UBR4: variants seen among roughly 807,000 people sequenced by gnomAD.
UBR4 encodes the protein E3 ubiquitin-protein ligase UBR4.
A neutral mutation model predicts 575.6 loss-of-function variants in UBR4; 124 were observed. The observed-to-expected ratio is 0.22, with a 90% confidence interval of 0.19 to 0.25. The LOEUF (loss-of-function observed/expected upper bound fraction) is 0.25, where lower values mean the gene tolerates loss of function less well. UBR4 is among the 10% of genes least tolerant of loss of function. UBR4 has a pLI of 1.00. For synonymous variants in UBR4, 2,455 were observed against 2,473.7 expected (o/e 0.99, Z 0.22); for missense variants, 4,818 against 6,478.8 (o/e 0.74, Z 8.80).
At chr1:19,156,198 C>A in intron 42 of UBR4, 73 bp downstream of exon 42, 2 of 1,573,018 alleles carry the variant, frequency 1.3e-6, no homozygotes, top group Admixed American at 3.6e-5. Flanking sequence ...CTGGGAGAAG[C>A]TAGCACATAG....
intron 51 of UBR4, 105 bp from the exon 52 acceptor site, chr1:19,147,105 CAA>C: frequency 1.5e-6 from 2 of 1,308,798 alleles, no homozygotes; most frequent in Non-Finnish European, 2.1e-6. Context: ...TACCTCCTCT[CAA>C]GAGAACAGGC....
chr1:19,092,790 C>A, intron 97 of UBR4, 29 bp downstream of exon 97: 1 of 1,578,714 alleles, frequency 6.3e-7, no homozygotes, highest in Non-Finnish European at 8.7e-7. Flanking sequence ...TACCCCTGTA[C>A]CCTCACACTA....
Position 19,159,954 on chromosome 1 carries a change from T to C in UBR4, c.5577+157A>G, listed in dbSNP as rs540672948. On this transcript the variant is annotated intron_variant, in intron 39 of 105. Coordinates refer to ENST00000375254, the MANE Select transcript of UBR4 (RefSeq NM_020765.3). ...GCTGATTTTCACACTGTTCATAATATGTTCTGGGCATGTCATGATGTCTTA... is the reference window on the plus strand; with the variant it reads ...GCTGATTTTCACACTGTTCATAATACGTTCTGGGCATGTCATGATGTCTTA... 3.3e-5 allele frequency among the ~76,000 whole-genome samples: 5 copies of C among 152,022 alleles called. No individual in the cohort carries two copies. In the South Asian group the frequency reaches 1.0e-3, roughly 32 times the overall value.
intron 48 of UBR4, chr1:19,151,083 C>T (rs2085628272): frequency 4.3e-6 from 2 of 469,274 alleles, no homozygotes; most frequent in Non-Finnish European, 7.7e-6. Context: ...CTACCCCTCA[C>T]TCCCAGGGGT....
At position 19,139,293 on chromosome 1, in the gene UBR4, C is replaced by A. The variant is rs78300712; in HGVS notation, c.8594-73G>T. On this transcript the variant is annotated intron_variant, in intron 58 of 105. Transcript: ENST00000375254. The surrounding 1 kb of genome is among the most constrained non-coding windows in gnomAD (Gnocchi z 4.2). ...ACAAACAAACAAAAAACAAAAAAAA[C>A]CCCTCCTTGGGATGAAAGCATCAAA... The A allele has an allele frequency of 5.8e-3, 8,797 of 1,508,648 alleles. 213 individuals are homozygous for A. The East Asian group carries it at 0.071, about 12-fold the overall frequency. The allele number at this position is 1,508,648 out of a possible 1,614,324, so 93.5% of individuals were successfully genotyped here. A position where few individuals can be genotyped will look rare whatever the true frequency, so the allele number is the denominator to read the frequency against.
chr1:19,187,265 T>C lies in UBR4; in HGVS notation c.1531A>G (p.Ile511Val). ...TGTATGGAGGTGCTCTGGGCCATAA[T>C]GCTCAAGGCTGCAGGGGGGCCATCT... ...ETDGPPAALS[I>V]MAQSTSIQRI... The change falls in exon 13 of 106, where the codon ATT becomes GTT. Residue 511 changes from isoleucine (I) to valine (V), a missense_variant. This residue lies in a region of UBR4 where 162 missense variants were observed against 216.4 expected (regional missense o/e 0.75). Coordinates refer to ENST00000375254, the MANE Select transcript of UBR4 (RefSeq NM_020765.3). 1 of 1,613,930 alleles carries C rather than the reference T, an allele frequency of 6.2e-7. No homozygotes were observed. The highest frequency in any genetic ancestry group is 8.5e-7 in the Non-Finnish European group (1 of 1,179,896).
intron 53 of UBR4, 89 bp downstream of exon 53, chr1:19,145,704 G>GGCTTAGCT: frequency 6.9e-7 from 1 of 1,451,900 alleles, no homozygotes; most frequent in Non-Finnish European, 9.3e-7. Flanking sequence ...TATGAAGAAT[G>GGCTTAGCT]AAAGCTAATG....
rs538231909 is a variant in UBR4 at position 19,091,929 on chromosome 1, G to C, written c.14211+890C>G. On this transcript the variant is annotated intron_variant, in intron 97 of 105. Transcript: ENST00000375254. ...CAACAATCCAGGTGTCCTTTAATGG[G>C]TGAACAGTTAAACAAACCTGGATGA... is the stretch of plus-strand genomic sequence containing the variant. Among the ~76,000 whole-genome samples the C allele has an allele frequency of 2.0e-4, 31 of 152,064 alleles. 1 individual carries two copies. In the South Asian group the frequency reaches 6.4e-3, roughly 32 times the overall value.
intron 55 of UBR4, among the ~76,000 whole-genome samples, chr1:19,143,724 A>G (rs2150073478): frequency 6.6e-6 from 1 of 152,220 alleles, no homozygotes; most frequent in South Asian, 2.1e-4. Context: ...TGTGATGTGA[A>G]TTTTCTGTAT....
chr1:19,165,022 G>A (rs770862171), intron 31 of UBR4, 25 bp from the exon 32 acceptor site: 4 of 1,612,868 alleles, frequency 2.5e-6, no homozygotes, highest in Non-Finnish European at 3.4e-6. Context: ...AGAGGCCAGG[G>A]TCAGTAAAGA....
intron 81 of UBR4, 29 bp from the exon 82 acceptor site, chr1:19,106,995 G>C (rs772496825): frequency 1.9e-6 from 3 of 1,609,438 alleles, no homozygotes; most frequent in Non-Finnish European, 2.5e-6. Context: ...GCAAGGTGAG[G>C]GCGCTCAAGG....
At chr1:19,091,351 C>A (rs2077496279) in intron 97 of UBR4, among the ~76,000 whole-genome samples, 1 of 152,222 alleles carries the variant, frequency 6.6e-6, no homozygotes, top group Non-Finnish European at 1.5e-5. Context: ...AGTGAAGAAT[C>A]TTTACTGTAC....
At chr1:19,090,408 C>A (rs2077393078) in intron 97 of UBR4, among the ~76,000 whole-genome samples, 1 of 152,198 alleles carries the variant, frequency 6.6e-6, no homozygotes. Context: ...GGAGAAAGAA[C>A]ATGCCTTTCC....
At chr1:19,122,646 T>C (rs2081297465) in intron 66 of UBR4, among the ~76,000 whole-genome samples, 187 bp downstream of exon 66, 4 of 152,220 alleles carry the variant, frequency 2.6e-5, no homozygotes, top group Admixed American at 2.6e-4. Flanking sequence ...ACATCCCAGA[T>C]CCTGAAGCCA....
Position 19,096,593 on chromosome 1 carries a change from CCACACTGGGCCAT to C in UBR4, c.13435_13447del (p.Met4479GlyfsTer23). On this transcript the variant is annotated frameshift_variant, in exon 92 of 106. Transcript: ENST00000375254. LOFTEE classifies it high-confidence loss of function. Reference sequence around the variant, plus strand: ...TCTGTTAAGCATGCATTCCAGGCCCCCACACTGGGCCATCACACCAGCCATTTTATACACTTCT... The same window carrying C: ...TCTGTTAAGCATGCATTCCAGGCCCCCACACCAGCCATTTTATACACTTCT... The C allele has an allele frequency of 6.2e-7, 1 of 1,613,798 alleles. No homozygotes were observed. The highest frequency in any genetic ancestry group is 8.5e-7 in the Non-Finnish European group (1 of 1,179,922).
chr1:19,093,812 A>T lies in UBR4; in HGVS notation c.13937+137T>A. On this transcript the variant is annotated intron_variant, in intron 95 of 105. Coordinates refer to ENST00000375254, the MANE Select transcript of UBR4 (RefSeq NM_020765.3). The surrounding 1 kb of genome is among the most constrained non-coding windows in gnomAD (Gnocchi z 4.8). ...TATTTTAACTATTCACTTCCCAACTAGACTGAGCTCCTTAAAAGCCAGAAC... is the reference window on the plus strand; with the variant it reads ...TATTTTAACTATTCACTTCCCAACTTGACTGAGCTCCTTAAAAGCCAGAAC... The T allele has an allele frequency of 9.8e-7, 1 of 1,023,208 alleles. No homozygotes were observed. Among genetic ancestry groups the T allele is most frequent in the Non-Finnish European group, 1.4e-6 (1 of 713,012 alleles). 63.4% of individuals were successfully genotyped at this position (1,023,208 alleles called of 1,614,324 possible). A position where few individuals can be genotyped will look rare whatever the true frequency, so the allele number is the denominator to read the frequency against.
Position 19,157,656 on chromosome 1 carries a change from G to C in UBR4, c.5760+159C>G, listed in dbSNP as rs1342334653. Among the ~76,000 whole-genome samples the C allele has an allele frequency of 6.6e-6, 1 of 152,238 alleles. No individual in the cohort carries two copies. The highest frequency in any genetic ancestry group is 1.9e-4 in the East Asian group (1 of 5,200). ...CTAATCAAATCAATTCAGGGTTCAA[G>C]TATTTGAAAAGCTCAACAAGATCTG... On this transcript the variant is annotated intron_variant, in intron 40 of 105. Transcript: ENST00000375254. The surrounding 1 kb of genome is among the most constrained non-coding windows in gnomAD (Gnocchi z 4.4).
At chr1:19,077,223 TCATTCC>T (rs1188327495) in intron 104 of UBR4, among the ~76,000 whole-genome samples, 1 of 152,192 alleles carries the variant, frequency 6.6e-6, no homozygotes, top group East Asian at 1.9e-4. Context: ...ATGAGCTGTC[TCATTCC>T]GATGATGAAA....
rs2076830630 is a variant in UBR4 at position 19,084,606 on chromosome 1, G to A, written c.14906C>T (p.Ala4969Val). ...HDIKLLFLRF[A>V]MEQSFSADTG... is the part of the protein sequence containing the mutation. The stretch of plus-strand genomic sequence containing the variant: ...GTCTGCGCTGAACGACTGCTCCATG[G>A]CGAAGCGCAGGAAGAGCAGTTTGAT... The change falls in exon 102 of 106, where the codon GCC (alanine) becomes GTC (valine). Residue 4969 changes from alanine (A) to valine (V), a missense_variant. By Grantham distance (64) the Ala-to-Val change is moderately conservative. This residue lies in a region of UBR4 where 196 missense variants were observed against 386.8 expected (regional missense o/e 0.51). Coordinates refer to ENST00000375254, the MANE Select transcript of UBR4 (RefSeq NM_020765.3). The A allele has an allele frequency of 6.2e-7, 1 of 1,614,058 alleles. No individual in the cohort carries two copies. Among genetic ancestry groups the A allele is most frequent in the South Asian group, 1.1e-5 (1 of 91,084 alleles).
Sources: gnomAD v4.1 joint callset for allele counts (sites outside exome capture counted in the v4.1 genomes callset) on GRCh38, gnomAD v4.1.1 for gene constraint, gnomAD v4.1.1 regional missense constraint, Gnocchi (gnomAD v3.1) non-coding constraint, MANE v1.5 for transcripts, NCBI Gene and HGNC (gene_info 2026-07-23, HGNC 2026-07-21) for gene names.